DRC3: variants seen among roughly 807,000 people sequenced by gnomAD.
DRC3 encodes leucine rich repeat containing 48.
DRC3 carries 45 observed loss-of-function variants against 57.6 expected under a neutral mutation model. The observed-to-expected ratio is 0.78, with a 90% CI of 0.62 to 1.00. DRC3 has a LOEUF of 1.00. Ranked by LOEUF, DRC3 falls within the 50% of genes least tolerant of loss-of-function variation. The pLI is 0.00. For missense variants in DRC3, 655 were observed against 675.2 expected (o/e 0.97, Z 0.33); for synonymous variants, 257 against 272.3 (o/e 0.94, Z 0.55).
At chr17:18,000,034 G>A (rs1440653993) in intron 9 of DRC3, among the ~76,000 whole-genome samples, 1 of 151,924 alleles carries the variant, frequency 6.6e-6, no homozygotes, top group East Asian at 1.9e-4. Flanking sequence ...TCCTATGTGT[G>A]TGTGCGTGTA....
At chr17:17,984,236 G>T (rs938546610) in intron 4 of DRC3, among the ~76,000 whole-genome samples, 3 of 152,164 alleles carry the variant, frequency 2.0e-5, no homozygotes, top group African/African-American at 4.8e-5. Context: ...GGCAGCTGTG[G>T]ACTCCTATTT....
At position 17,992,885 on chromosome 17, in the gene DRC3, G is replaced by A. The variant is rs1457208963; in HGVS notation, c.565G>A (p.Asp189Asn). The A allele has an allele frequency of 6.2e-7, 1 of 1,613,788 alleles. No homozygotes were observed. The highest frequency in any genetic ancestry group is 1.3e-5 in the African/African-American group (1 of 74,880). The change falls in exon 6 of 14, where the codon GAC becomes AAC. Residue 189 changes from aspartate to asparagine, a missense_variant. Asp to Asn is a conservative substitution (Grantham distance 23, BLOSUM62 1). Coordinates refer to ENST00000399187, the MANE Select transcript of DRC3 (RefSeq NM_031294.4). The part of the protein sequence containing the change: ...CAYLPDLMYL[D>N]YRRIDDHTKK... ...CTACCTTCCTGACCTCATGTACCTG[G>A]ACTACCGGCGCATTGATGACCACAC...
chr17:17,976,102 G>A (rs2042374385), intron 2 of DRC3, among the ~76,000 whole-genome samples: 1 of 152,144 alleles, frequency 6.6e-6, no homozygotes, highest in Non-Finnish European at 1.5e-5. Context: ...CTAGCATCAG[G>A]GACCAGCAGG....
Position 17,982,280 on chromosome 17 carries a change from A to G in DRC3, c.161-1548A>G, listed in dbSNP as rs373506649. ...GCCCAGGCTGGAGTTCAGTGGCGCA[A>G]TCTCGGCTCACTGAAAGCTCCGCCT... On this transcript the variant is annotated intron_variant, in intron 3 of 13. Coordinates refer to ENST00000399187, the MANE Select transcript of DRC3 (RefSeq NM_031294.4). 3.4e-4 allele frequency among the ~76,000 whole-genome samples: 51 copies of G among 148,176 alleles called. No individual in the cohort carries two copies. In the East Asian group the frequency reaches 9.2e-3, roughly 27 times the overall value.
chr17:18,005,956 G>A lies in DRC3; in HGVS notation c.1132-227G>A, dbSNP rs1005271285. The A allele has an allele frequency of 9.2e-6, 5 of 541,106 alleles. No homozygotes were observed. In the African/African-American group the frequency reaches 9.5e-5, roughly 10 times the overall value. 33.5% of individuals were successfully genotyped at this position (541,106 alleles called of 1,614,324 possible). On this transcript the variant is annotated intron_variant, in intron 10 of 13. Transcript: ENST00000399187. ...TGTTCCTGGCAAAGTTCCGGTGACA[G>A]CATTAAACATTCAGATGGTGAGGGA... is the stretch of plus-strand genomic sequence containing the variant.
intron 5 of DRC3, among the ~76,000 whole-genome samples, chr17:17,989,951 G>A (rs1054409577): frequency 1.3e-5 from 2 of 152,236 alleles, no homozygotes; most frequent in Non-Finnish European, 2.9e-5. Context: ...ATTTAGTGGC[G>A]TGATAATTGG....
At chr17:17,978,829 C>T (rs2145199368) in intron 3 of DRC3, among the ~76,000 whole-genome samples, 1 of 152,348 alleles carries the variant, frequency 6.6e-6, no homozygotes, top group South Asian at 2.1e-4. Flanking sequence ...GAGGTTCATG[C>T]AGCCAGTATT....
intron 4 of DRC3, among the ~76,000 whole-genome samples, chr17:17,987,086 A>G (rs1388496711): frequency 2.6e-5 from 4 of 151,924 alleles, no homozygotes; most frequent in Non-Finnish European, 5.9e-5. Context: ...GTGATGGCGT[A>G]TACCTGTGGT....
chr17:17,993,963 C>T (rs1480830271), intron 6 of DRC3: 1 of 304,872 alleles, frequency 3.3e-6, no homozygotes, highest in Non-Finnish European at 6.4e-6. Context: ...GAGAGCAAGT[C>T]CTCTGTGGAG....
intron 5 of DRC3, among the ~76,000 whole-genome samples, chr17:17,989,095 C>T (rs910052908): frequency 8.5e-5 from 13 of 152,192 alleles, no homozygotes; most frequent in African/African-American, 2.9e-4. Context: ...TGAGGGCCTT[C>T]CTGCGAGTGT....
At position 17,976,719 on chromosome 17, in the gene DRC3, G is replaced by A. The variant is rs571715465; in HGVS notation, c.-17-863G>A. 2.0e-5 allele frequency among the ~76,000 whole-genome samples: 3 copies of A among 152,290 alleles called. No homozygotes were observed. In the East Asian group the frequency reaches 5.8e-4, roughly 29 times the overall value. ...ATTAAAAAATAACCTACTGGAGCTA[G>A]CTTAAGTAGAAGAGGATTTCATGTG... On this transcript the variant is annotated intron_variant, in intron 2 of 13. Transcript: ENST00000399187.
intron 9 of DRC3, among the ~76,000 whole-genome samples, chr17:18,000,072 G>A (rs2043638975): frequency 7.0e-6 from 1 of 142,786 alleles, no homozygotes; most frequent in South Asian, 2.3e-4. Flanking sequence ...TTTGTACTTT[G>A]CTTTCGTGTG....
At chr17:18,003,809 A>AT (rs200063548) in intron 9 of DRC3, among the ~76,000 whole-genome samples, 2,350 of 139,010 alleles carry the variant, frequency 0.017, 71 homozygotes, top group African/African-American at 0.054. Flanking sequence ...TGCCTGGCTA[A>AT]TTTTTTTTTT....
chr17:18,006,876 A>G (rs1033218855), intron 11 of DRC3, 148 bp from the exon 12 acceptor site: 1 of 1,275,256 alleles, frequency 7.8e-7, no homozygotes, highest in Admixed American at 2.5e-5. Context: ...AGGAAGGCCC[A>G]GGGTTCGGAG....
At chr17:18,013,932 ATT>A (rs35745875) in intron 12 of DRC3, among the ~76,000 whole-genome samples, 6,971 of 135,914 alleles carry the variant, frequency 0.051, 475 homozygotes, top group African/African-American at 0.17. Context: ...TTTAATGCCA[ATT>A]TTTTTTTTTT....
chr17:18,011,591 T>C (rs1345371753), intron 12 of DRC3: 1 of 168,414 alleles, frequency 5.9e-6, no homozygotes, highest in Middle Eastern at 2.6e-3. Flanking sequence ...AAGATGCTGC[T>C]GATGTCCAGT....
chr17:17,996,515 C>T (rs2043464235), intron 8 of DRC3, among the ~76,000 whole-genome samples: 1 of 152,204 alleles, frequency 6.6e-6, no homozygotes, highest in South Asian at 2.1e-4. Flanking sequence ...AGGAAAGACT[C>T]ACCCCCATAA....
At chr17:17,973,231 T>G (rs1398027245) in intron 1 of DRC3, 1 of 151,324 alleles carries the variant, frequency 6.6e-6, no homozygotes, top group Non-Finnish European at 1.5e-5. Context: ...AGGGCCAGAA[T>G]GGATTTTTAA....
At chr17:18,003,861 C>T (rs1412512032) in intron 9 of DRC3, among the ~76,000 whole-genome samples, 1 of 151,048 alleles carries the variant, frequency 6.6e-6, no homozygotes, top group East Asian at 2.0e-4. Flanking sequence ...CTGTGATAGC[C>T]AGGATGGTCT....
Sources: allele counts gnomAD v4.1 joint callset (sites outside exome capture counted in the v4.1 genomes callset), GRCh38; gene constraint gnomAD v4.1.1; transcripts MANE v1.5; gene names NCBI Gene and HGNC (gene_info 2026-07-23, HGNC 2026-07-21).